SGCZ: variants seen among roughly 807,000 people sequenced by gnomAD.
SGCZ encodes the protein sarcoglycan zeta, also known as zeta-sarcoglycan.
In SGCZ, 40 loss-of-function variants were observed where a neutral mutation model predicts 41.3. That is an observed-to-expected ratio of 0.97 (90% CI 0.75 to 1.26). The LOEUF (loss-of-function observed/expected upper bound fraction) is 1.26, where lower values mean the gene tolerates loss of function less well. SGCZ is among the 50% of genes most tolerant of loss of function. The pLI is 0.00. For synonymous variants in SGCZ, 206 were observed against 137.5 expected (o/e 1.50, Z -3.49); for missense variants, 552 against 369.8 (o/e 1.49, Z -4.04).
chr8:14,970,274 TAATTTGC>T (rs954655680), intron 1 of SGCZ, among the ~76,000 whole-genome samples: 6 of 152,154 alleles, frequency 3.9e-5, no homozygotes, highest in Non-Finnish European at 8.8e-5. Flanking sequence ...AATTTACATA[TAATTTGC>T]AAATATTTTC....
At chr8:14,503,323 C>T (rs1367318450) in intron 2 of SGCZ, among the ~76,000 whole-genome samples, 1 of 152,052 alleles carries the variant, frequency 6.6e-6, no homozygotes, top group Admixed American at 6.6e-5. Flanking sequence ...GGAGGGATAG[C>T]ACTAGGAGGA....
At chr8:14,579,038 C>T (rs988021308) in intron 1 of SGCZ, among the ~76,000 whole-genome samples, 1 of 151,974 alleles carries the variant, frequency 6.6e-6, no homozygotes, top group African/African-American at 2.4e-5. Context: ...TCCATTCCTC[C>T]AGTAATATCA....
intron 1 of SGCZ, among the ~76,000 whole-genome samples, chr8:15,106,976 C>A (rs979757270): frequency 6.6e-6 from 1 of 152,000 alleles, no homozygotes; most frequent in South Asian, 2.1e-4. Flanking sequence ...GTGTTTTTCT[C>A]CATTTACATA....
At chr8:15,183,848 C>T (rs1024683429) in intron 1 of SGCZ, among the ~76,000 whole-genome samples, 2 of 152,076 alleles carry the variant, frequency 1.3e-5, no homozygotes, top group Admixed American at 6.5e-5. Flanking sequence ...TCACAGTTCA[C>T]AAAAATTAAC....
chr8:14,363,901 A>G (rs1803612793), intron 2 of SGCZ, among the ~76,000 whole-genome samples: 2 of 152,180 alleles, frequency 1.3e-5, no homozygotes, highest in Admixed American at 1.3e-4. Context: ...ATGTGTATCC[A>G]GATTACATAT....
intron 1 of SGCZ, among the ~76,000 whole-genome samples, chr8:15,087,395 T>C (rs1805988431): frequency 6.6e-6 from 1 of 152,112 alleles, no homozygotes; most frequent in Admixed American, 6.6e-5. Flanking sequence ...GATGTTAACG[T>C]CAATATCCCT....
intron 2 of SGCZ, among the ~76,000 whole-genome samples, chr8:14,442,577 G>T (rs763048703): frequency 2.1e-4 from 32 of 152,310 alleles, no homozygotes; most frequent in Middle Eastern, 3.4e-3. Context: ...TGGTGGGTAA[G>T]TTTGACAATA....
At chr8:14,627,380 T>C (rs1362360295) in intron 1 of SGCZ, among the ~76,000 whole-genome samples, 1 of 152,104 alleles carries the variant, frequency 6.6e-6, no homozygotes, top group East Asian at 1.9e-4. Context: ...AGAATCCAGG[T>C]TGAGAACATC....
intron 1 of SGCZ, among the ~76,000 whole-genome samples, chr8:14,725,669 A>G (rs767640939): frequency 2.1e-4 from 32 of 152,214 alleles, no homozygotes; most frequent in Non-Finnish European, 3.7e-4. Context: ...CTACTTCTGT[A>G]TTAAATGAAA....
chr8:14,466,566 C>T (rs1196365785), intron 2 of SGCZ, among the ~76,000 whole-genome samples: 1 of 151,848 alleles, frequency 6.6e-6, no homozygotes, highest in East Asian at 1.9e-4. Flanking sequence ...CCCTCTTCAT[C>T]TGGGACTCTC....
At position 14,321,102 on chromosome 8, in the gene SGCZ, C is replaced by T. The variant is rs62497789; in HGVS notation, c.336+3001G>A. Among the ~76,000 whole-genome samples the T allele has an allele frequency of 5.5e-3, 844 of 152,082 alleles. 7 individuals are homozygous for T. The highest frequency in any genetic ancestry group is 6.9e-3 in the Non-Finnish European group (469 of 67,964). On this transcript the variant is annotated intron_variant, in intron 3 of 7. Transcript: ENST00000382080. ...GAGATGCAGAATGTTATCATCATTA[C>T]CATTTATATAAACTAGCCCAGATTA...
At position 14,139,155 on chromosome 8, in the gene SGCZ, GACATA is replaced by G. The variant is rs1023940135; in HGVS notation, c.547+25420_547+25424del. Reference sequence around the variant, plus strand: ...TCTTTGAAACCAATGAGAAAAAAAAGACATAACATATCAGAATCACTGGGACACAT... The same window carrying G: ...TCTTTGAAACCAATGAGAAAAAAAAGACATATCAGAATCACTGGGACACAT... On this transcript the variant is annotated intron_variant, in intron 5 of 7. Transcript: ENST00000382080. Among the ~76,000 whole-genome samples the G allele has an allele frequency of 5.5e-3, 843 of 152,234 alleles. 6 individuals are homozygous for G. Among genetic ancestry groups the G allele is most frequent in the African/African-American group, 0.019 (802 of 41,532 alleles).
chr8:15,197,885 T>TACACAC (rs150640188), intron 1 of SGCZ, among the ~76,000 whole-genome samples: 2 of 150,572 alleles, frequency 1.3e-5, no homozygotes, highest in African/African-American at 2.4e-5. Context: ...TGTGTATATA[T>TACACAC]ACACACACAC....
chr8:14,438,291 G>A (rs2035140), intron 2 of SGCZ, among the ~76,000 whole-genome samples: 1 of 151,780 alleles, frequency 6.6e-6, no homozygotes, highest in African/African-American at 2.4e-5. Context: ...AATTTTAGAA[G>A]AAAAAGGTCA....
At chr8:15,116,747 T>C (rs1807284327) in intron 1 of SGCZ, among the ~76,000 whole-genome samples, 1 of 152,178 alleles carries the variant, frequency 6.6e-6, no homozygotes, top group South Asian at 2.1e-4. Context: ...TGTTTTTGCC[T>C]GGTACTTTAT....
intron 3 of SGCZ, among the ~76,000 whole-genome samples, chr8:14,245,092 T>A (rs1303066110): frequency 6.6e-6 from 1 of 152,316 alleles, no homozygotes; most frequent in East Asian, 1.9e-4. Context: ...TATTTCCTTC[T>A]CCTGCCTAAT....
chr8:14,282,111 T>A (rs1800465497), intron 3 of SGCZ, among the ~76,000 whole-genome samples: 1 of 142,730 alleles, frequency 7.0e-6, no homozygotes, highest in Non-Finnish European at 1.5e-5. Context: ...TTAATAAAAG[T>A]TGACTGCACA....
intron 1 of SGCZ, among the ~76,000 whole-genome samples, chr8:14,593,072 G>T (rs1383245674): frequency 3.3e-5 from 5 of 152,076 alleles, no homozygotes; most frequent in Non-Finnish European, 1.5e-5. Flanking sequence ...GTGGTCAGGT[G>T]AATAATGCAC....
intron 5 of SGCZ, 122 bp downstream of exon 5, chr8:14,164,458 G>T: frequency 2.5e-6 from 3 of 1,198,866 alleles, no homozygotes; most frequent in Non-Finnish European, 3.5e-6. Context: ...AAGAACAAAC[G>T]TTGTGATTAT....
Sources: allele counts gnomAD v4.1 joint callset (sites outside exome capture counted in the v4.1 genomes callset), GRCh38; gene constraint gnomAD v4.1.1; transcripts MANE v1.5; gene names NCBI Gene and HGNC (gene_info 2026-07-23, HGNC 2026-07-21).